Variants in ARHGAP15 observed in about 807,000 individuals in gnomAD.
ARHGAP15 encodes Rho GTPase activating protein 15.
ARHGAP15 carries 51 observed loss-of-function variants against 63.7 expected under a neutral mutation model. The ratio of observed to expected loss-of-function variants is 0.80; its 90% CI spans 0.64 to 1.01. The LOEUF (loss-of-function observed/expected upper bound fraction) is 1.01. ARHGAP15 is among the 50% of genes least tolerant of loss of function. ARHGAP15 has a pLI of 0.00. For synonymous variants in ARHGAP15, 191 were observed against 193.8 expected (o/e 0.99, Z 0.12); for missense variants, 560 against 564.6 (o/e 0.99, Z 0.08).
chr2:143,646,098 C>G (rs1177010280), intron 12 of ARHGAP15, among the ~76,000 whole-genome samples: 1 of 152,026 alleles, frequency 6.6e-6, no homozygotes, highest in Non-Finnish European at 1.5e-5. Flanking sequence ...TGGTGTTGCA[C>G]TCAGGAAATT....
At chr2:143,702,332 G>A (rs1684126104) in intron 12 of ARHGAP15, among the ~76,000 whole-genome samples, 2 of 152,112 alleles carry the variant, frequency 1.3e-5, no homozygotes, top group South Asian at 4.1e-4. Context: ...AACAAAATGA[G>A]AGAAATCAAT....
intron 6 of ARHGAP15, among the ~76,000 whole-genome samples, chr2:143,323,887 T>A (rs1410562316): frequency 2.9e-5 from 2 of 67,992 alleles, no homozygotes; most frequent in African/African-American, 8.1e-5. Flanking sequence ...AGAGCAAGAC[T>A]CCGTCTCAAA....
chr2:143,281,700 C>T lies in ARHGAP15; in HGVS notation c.474+31100C>T, dbSNP rs1188983676. On this transcript the variant is annotated intron_variant, in intron 6 of 13. Transcript: ENST00000295095. ...TGGTAATACAATGGCCAGTCATTAC[C>T]CTCACACTTTATTAAAATGTACATG... Among the ~76,000 whole-genome samples, 3 of 152,176 alleles carry T rather than the reference C, an allele frequency of 2.0e-5. No individual in the cohort carries two copies. The East Asian group carries it at 5.8e-4, about 29-fold the overall frequency.
rs1219251527 is a variant in ARHGAP15 at position 143,703,463 on chromosome 2, G to C, written c.1183G>C (p.Val395Leu). ...AAGAATTGAAGCTGTAAAATCTCTT[G>C]TACAAAAACTCCCTCCGCCAAATCG... The part of the protein sequence containing the change: ...NTRIEAVKSL[V>L]QKLPPPNRDT... The change falls in exon 13 of 14, where the codon GTA becomes CTA. Residue 395 changes from valine to leucine, a missense_variant. Transcript: ENST00000295095. The C allele has an allele frequency of 9.9e-6, 16 of 1,611,622 alleles. No homozygotes were observed. Among genetic ancestry groups the C allele is most frequent in the Non-Finnish European group, 1.4e-5 (16 of 1,179,018 alleles).
chr2:143,202,186 C>G lies in ARHGAP15; in HGVS notation c.218C>G (p.Pro73Arg). ...HSQHILKDVI[P>R]PLEQLMVEKE... is the part of the protein sequence containing the mutation. ...CAGCATATCTTGAAAGATGTCATTC[C>G]TCCATTGGAACAACTGGTGAGTGTT... Residue 73 changes from proline (P) to arginine (R), a missense_variant, in exon 3 of 14, where the codon CCT (proline) becomes CGT (arginine). Physicochemically the swap from Pro to Arg is moderately radical, Grantham distance 103. Coordinates refer to ENST00000295095, the MANE Select transcript of ARHGAP15 (RefSeq NM_018460.4). 6.2e-7 allele frequency: 1 copy of G among 1,611,728 alleles called. No homozygotes were observed. Among genetic ancestry groups the G allele is most frequent in the East Asian group, 2.2e-5 (1 of 44,844 alleles).
At chr2:143,647,178 AG>A (rs1424745092) in intron 12 of ARHGAP15, among the ~76,000 whole-genome samples, 1 of 151,862 alleles carries the variant, frequency 6.6e-6, no homozygotes, top group Non-Finnish European at 1.5e-5. Flanking sequence ...CAGAAGACCT[AG>A]AGTATGATAT....
intron 6 of ARHGAP15, among the ~76,000 whole-genome samples, chr2:143,330,834 G>A (rs1684517034): frequency 6.6e-6 from 1 of 152,190 alleles, no homozygotes; most frequent in Non-Finnish European, 1.5e-5. Context: ...CATAGGGAAA[G>A]TACTTATTTG....
At chr2:143,575,724 C>A (rs1267496485) in intron 11 of ARHGAP15, among the ~76,000 whole-genome samples, 2 of 152,176 alleles carry the variant, frequency 1.3e-5, no homozygotes, top group Non-Finnish European at 2.9e-5. Context: ...ATTTAAAATA[C>A]TGCCTTCATA....
At chr2:143,511,424 A>T (rs1374589838) in intron 9 of ARHGAP15, among the ~76,000 whole-genome samples, 1 of 152,174 alleles carries the variant, frequency 6.6e-6, no homozygotes, top group Non-Finnish European at 1.5e-5. Flanking sequence ...GATTCCAAAA[A>T]TATTGGCACC....
chr2:143,239,761 C>T (rs1693788428), intron 5 of ARHGAP15, among the ~76,000 whole-genome samples: 1 of 151,964 alleles, frequency 6.6e-6, no homozygotes, highest in South Asian at 2.1e-4. Flanking sequence ...GAGCCCAAGG[C>T]AGGTGGATCA....
chr2:143,268,849 C>T (rs956680521), intron 6 of ARHGAP15, among the ~76,000 whole-genome samples: 2 of 151,530 alleles, frequency 1.3e-5, no homozygotes, highest in Non-Finnish European at 2.9e-5. Flanking sequence ...TTCTAAGATT[C>T]AATTAGGATA....
At chr2:143,502,070 G>A (rs983027282) in intron 9 of ARHGAP15, among the ~76,000 whole-genome samples, 1 of 152,146 alleles carries the variant, frequency 6.6e-6, no homozygotes, top group African/African-American at 2.4e-5. Context: ...AATGTTTGGG[G>A]ACACAAGACA....
chr2:143,575,684 T>G (rs942201587), intron 11 of ARHGAP15, among the ~76,000 whole-genome samples: 1 of 152,176 alleles, frequency 6.6e-6, no homozygotes, highest in Non-Finnish European at 1.5e-5. Context: ...CGACACATTT[T>G]GTGCAAACTC....
chr2:143,501,507 CAT>C, intron 9 of ARHGAP15, among the ~76,000 whole-genome samples: 1 of 152,136 alleles, frequency 6.6e-6, no homozygotes, highest in Non-Finnish European at 1.5e-5. Context: ...AAGAAGATAT[CAT>C]AAACATTTTA....
At chr2:143,386,263 A>T (rs1558936651) in intron 6 of ARHGAP15, among the ~76,000 whole-genome samples, 1 of 152,184 alleles carries the variant, frequency 6.6e-6, no homozygotes, top group Non-Finnish European at 1.5e-5. Context: ...TTTCCAAGGA[A>T]AAAAATGTTA....
chr2:143,471,876 A>G (rs897463062), intron 8 of ARHGAP15: 1 of 152,190 alleles, frequency 6.6e-6, no homozygotes, highest in African/African-American at 2.4e-5. Context: ...GAGCTAATCT[A>G]TCTGAAAAGT....
In ARHGAP15 at chr2:143,241,432, A is replaced by T. The variant is rs1198310559; in HGVS notation, c.385-9079A>T. On this transcript the variant is annotated intron_variant, in intron 5 of 13. Coordinates refer to ENST00000295095, the MANE Select transcript of ARHGAP15 (RefSeq NM_018460.4). ...TGCCTCACACAGAGCAAACATAATA[A>T]ATCTTAATTGTATTTATCGTTGTCG... 2.0e-5 allele frequency among the ~76,000 whole-genome samples: 3 copies of T among 152,240 alleles called. No individual in the cohort carries two copies. The South Asian group carries it at 6.2e-4, about 31-fold the overall frequency.
At chr2:143,384,744 T>C (rs1192613294) in intron 6 of ARHGAP15, among the ~76,000 whole-genome samples, 1 of 152,166 alleles carries the variant, frequency 6.6e-6, no homozygotes, top group Non-Finnish European at 1.5e-5. Flanking sequence ...TATTTGTAAG[T>C]AAACTCACAA....
intron 13 of ARHGAP15, among the ~76,000 whole-genome samples, chr2:143,727,231 AAAG>A (rs1431092603): frequency 6.6e-6 from 1 of 152,216 alleles, no homozygotes; most frequent in Admixed American, 6.5e-5. Flanking sequence ...AAGAAAGTAA[AAAG>A]AAAACATTTC....
Sources: gnomAD v4.1 joint callset for allele counts (sites outside exome capture counted in the v4.1 genomes callset) on GRCh38, gnomAD v4.1.1 for gene constraint, MANE v1.5 for transcripts, NCBI Gene and HGNC (gene_info 2026-07-23, HGNC 2026-07-21) for gene names.